Variants in CADM2 observed in about 807,000 individuals in gnomAD.
The protein encoded by CADM2 is immunoglobulin superfamily member 4D.
A neutral mutation model predicts 49.8 loss-of-function variants in CADM2; 12 were observed. That is an observed-to-expected ratio of 0.24 (90% confidence interval 0.15 to 0.39). CADM2 has a LOEUF of 0.39. CADM2 is among the 10% of genes least tolerant of loss of function. CADM2 has a pLI of 1.00. For synonymous variants in CADM2, 214 were observed against 175.4 expected (o/e 1.22, Z -1.74); for missense variants, 378 against 492.3 (o/e 0.77, Z 2.20).
intron 1 of CADM2, among the ~76,000 whole-genome samples, chr3:85,593,596 C>T (rs182938228): frequency 3.2e-4 from 49 of 151,904 alleles, no homozygotes; most frequent in African/African-American, 9.7e-4. Context: ...ATTATCGGCA[C>T]GCAGAATAAA....
chr3:85,453,644 C>T (rs572842955), intron 1 of CADM2, among the ~76,000 whole-genome samples: 10 of 151,830 alleles, frequency 6.6e-5, no homozygotes, highest in East Asian at 1.9e-4. Flanking sequence ...AATTACTGTA[C>T]GTGGATTCAA....
chr3:85,234,821 C>A lies in CADM2; in HGVS notation c.61+275153C>A, dbSNP rs538110749. 2.5e-4 allele frequency among the ~76,000 whole-genome samples: 38 copies of A among 152,160 alleles called. 1 individual carries two copies. The Middle Eastern group carries it at 0.01, about 41-fold the overall frequency. ...AAACATATTCACAAACATGTTAACA[C>A]CCTGTTAACTCCATGGATGGAGAGT... On this transcript the variant is annotated intron_variant, in intron 1 of 9. Coordinates refer to ENST00000383699, the MANE Select transcript of CADM2 (RefSeq NM_001167675.2).
intron 1 of CADM2, among the ~76,000 whole-genome samples, chr3:85,593,444 A>G (rs1176241095): frequency 1.3e-5 from 2 of 152,008 alleles, no homozygotes; most frequent in Admixed American, 1.3e-4. Context: ...GATTATTATT[A>G]GTACAGCAAC....
At chr3:85,879,381 A>C (rs939104288) in intron 3 of CADM2, among the ~76,000 whole-genome samples, 1 of 152,140 alleles carries the variant, frequency 6.6e-6, no homozygotes, top group African/African-American at 2.4e-5. Context: ...GTTCACAAAG[A>C]ATGACAGCAA....
chr3:85,144,611 CAAA>C (rs368755903), intron 1 of CADM2, among the ~76,000 whole-genome samples: 2 of 108,770 alleles, frequency 1.8e-5, no homozygotes, highest in African/African-American at 7.9e-5. Flanking sequence ...GACTCCATCT[CAAA>C]AAAAAAAAAG....
At chr3:85,120,399 C>T (rs2038812207) in intron 1 of CADM2, among the ~76,000 whole-genome samples, 1 of 152,136 alleles carries the variant, frequency 6.6e-6, no homozygotes, top group Admixed American at 6.6e-5. Flanking sequence ...TTTATTGTAG[C>T]ACTATTCACA....
intron 1 of CADM2, among the ~76,000 whole-genome samples, chr3:85,365,208 T>TTTTA: frequency 6.7e-6 from 1 of 148,984 alleles, no homozygotes; most frequent in South Asian, 2.1e-4. Flanking sequence ...ACTTTTTTTT[T>TTTTA]TTTTTTAGAT....
chr3:85,348,550 A>C (rs1214895811), intron 1 of CADM2, among the ~76,000 whole-genome samples: 3 of 152,222 alleles, frequency 2.0e-5, no homozygotes, highest in Non-Finnish European at 2.9e-5. Context: ...TCTTTAAAAA[A>C]ATCTTCAGGA....
chr3:85,586,822 A>G (rs943024087), intron 1 of CADM2, among the ~76,000 whole-genome samples: 1 of 152,032 alleles, frequency 6.6e-6, no homozygotes, highest in Non-Finnish European at 1.5e-5. Context: ...TATCCATGAC[A>G]CTCCAGCAAC....
chr3:85,179,291 T>C (rs903712317), intron 1 of CADM2, among the ~76,000 whole-genome samples: 14 of 151,980 alleles, frequency 9.2e-5, no homozygotes, highest in African/African-American at 3.1e-4. Context: ...TTCCAATCAA[T>C]AGGGAACACA....
intron 1 of CADM2, among the ~76,000 whole-genome samples, chr3:85,626,898 T>G (rs1238813258): frequency 1.3e-5 from 2 of 152,018 alleles, no homozygotes; most frequent in Non-Finnish European, 2.9e-5. Flanking sequence ...AACCCATTAC[T>G]GTGGATGAAT....
At chr3:85,211,034 A>G (rs542861922) in intron 1 of CADM2, among the ~76,000 whole-genome samples, 1 of 152,032 alleles carries the variant, frequency 6.6e-6, no homozygotes, top group African/African-American at 2.4e-5. Context: ...GTAGGAATTT[A>G]TTTATTCATT....
intron 1 of CADM2, among the ~76,000 whole-genome samples, chr3:85,261,315 T>C (rs1001111945): frequency 6.6e-6 from 1 of 152,182 alleles, no homozygotes; most frequent in South Asian, 2.1e-4. Flanking sequence ...TTTGTATTTT[T>C]AGTAGAGACA....
At chr3:85,520,324 T>C (rs975763208) in intron 1 of CADM2, among the ~76,000 whole-genome samples, 13 of 151,842 alleles carry the variant, frequency 8.6e-5, no homozygotes, top group African/African-American at 3.1e-4. Flanking sequence ...TTTTATTTAG[T>C]ATATAAGAAA....
At chr3:85,666,957 C>T (rs1203529105) in intron 1 of CADM2, among the ~76,000 whole-genome samples, 7 of 151,960 alleles carry the variant, frequency 4.6e-5, no homozygotes, top group Non-Finnish European at 7.4e-5. Flanking sequence ...TATATTTTTC[C>T]GTGAAGATTT....
chr3:85,823,505 G>T (rs1482472532), intron 3 of CADM2, among the ~76,000 whole-genome samples: 1 of 152,100 alleles, frequency 6.6e-6, no homozygotes, highest in African/African-American at 2.4e-5. Flanking sequence ...TTCTCAATGT[G>T]TGTATTTATC....
At chr3:85,129,429 T>C (rs975119386) in intron 1 of CADM2, among the ~76,000 whole-genome samples, 5 of 152,232 alleles carry the variant, frequency 3.3e-5, no homozygotes, top group African/African-American at 1.2e-4. Context: ...TGATGGCCAC[T>C]ATCACTTTAA....
chr3:85,706,630 T>A (rs1258288335), intron 1 of CADM2, among the ~76,000 whole-genome samples: 2 of 152,208 alleles, frequency 1.3e-5, no homozygotes, highest in African/African-American at 4.8e-5. Flanking sequence ...TGAATGCATC[T>A]GCCTCAGAAC....
intron 1 of CADM2, among the ~76,000 whole-genome samples, chr3:85,086,317 C>T (rs985608816): frequency 1.3e-5 from 2 of 151,600 alleles, no homozygotes; most frequent in African/African-American, 4.8e-5. Flanking sequence ...AGTCAGAAGC[C>T]TAAAAGAAAG....
Sources: gnomAD v4.1 joint callset for allele counts (sites outside exome capture counted in the v4.1 genomes callset) on GRCh38, gnomAD v4.1.1 for gene constraint, MANE v1.5 for transcripts, NCBI Gene and HGNC (gene_info 2026-07-23, HGNC 2026-07-21) for gene names.